The following ASXL2 variants were observed in gnomAD, a reference collection of about 807,000 sequenced individuals.
The protein encoded by ASXL2 is putative Polycomb group protein ASXL2.
Under a neutral mutation model 122.0 loss-of-function variants are expected in ASXL2, and 23 were observed. The ratio of observed to expected loss-of-function variants is 0.19; its 90% CI spans 0.14 to 0.27. ASXL2 has a LOEUF of 0.27. ASXL2 is among the 10% of genes least tolerant of loss of function. ASXL2 has a pLI of 1.00. For missense variants in ASXL2, 1,518 were observed against 1,713.8 expected, an observed-to-expected ratio of 0.89 and a Z score of 2.02; for synonymous variants, 650 against 637.0, an observed-to-expected ratio of 1.02 and a Z score of -0.31.
At chr2:25,780,147 G>A (rs1046230542) in intron 5 of ASXL2, 1 of 151,942 alleles carries the variant, frequency 6.6e-6, no homozygotes, top group Non-Finnish European at 1.5e-5. Flanking sequence ...CAACATGCCT[G>A]GCCCATTTTA....
At chr2:25,831,118 G>A (rs567143050) in intron 3 of ASXL2, among the ~76,000 whole-genome samples, 4 of 152,000 alleles carry the variant, frequency 2.6e-5, no homozygotes, top group East Asian at 1.9e-4. Flanking sequence ...TCAGGAGTTC[G>A]AGACCAGCCT....
At chr2:25,856,635 T>C in intron 1 of ASXL2, 1 of 1,248,030 alleles carries the variant, frequency 8.0e-7, no homozygotes, top group Non-Finnish European at 1.2e-6. Flanking sequence ...AATGAAAATG[T>C]CCTCAGTCTC....
intron 1 of ASXL2, among the ~76,000 whole-genome samples, chr2:25,858,764 T>C (rs941491209): frequency 1.3e-5 from 2 of 148,322 alleles, no homozygotes; most frequent in Non-Finnish European, 3.0e-5. Flanking sequence ...GGGAAATTGA[T>C]AAAGGGAAGA....
In ASXL2 at chr2:25,822,687, G is replaced by T. The variant is rs888082064; in HGVS notation, c.143+12851C>A. ...CATAAAAAAAACGGACAGATCAATT[G>T]TATGTTGTTTACGAAAAGGAGAATC... On this transcript the variant is annotated intron_variant, in intron 3 of 12. Coordinates refer to ENST00000435504, the MANE Select transcript of ASXL2 (RefSeq NM_018263.6). 2.1e-5 allele frequency: 15 copies of T among 707,254 alleles called. 1 individual carries two copies. In the African/African-American group the frequency reaches 2.5e-4, roughly 12 times the overall value. The allele number at this position is 707,254 out of a possible 1,614,324, so 43.8% of individuals were successfully genotyped here.
intron 2 of ASXL2, among the ~76,000 whole-genome samples, chr2:25,842,582 G>A (rs1053326370): frequency 6.6e-6 from 1 of 151,740 alleles, no homozygotes; most frequent in East Asian, 1.9e-4. Flanking sequence ...AGACCTCCTG[G>A]CCTCAAGTGA....
intron 1 of ASXL2, among the ~76,000 whole-genome samples, chr2:25,855,848 A>AG (rs1478012989): frequency 2.3e-4 from 34 of 150,766 alleles, no homozygotes; most frequent in Non-Finnish European, 4.4e-4. Flanking sequence ...AAAAAAAAAA[A>AG]AGAGAGAGAG....
chr2:25,745,595 T>C (rs977863758), intron 12 of ASXL2, among the ~76,000 whole-genome samples: 13 of 149,610 alleles, frequency 8.7e-5, no homozygotes, highest in African/African-American at 2.9e-4. Flanking sequence ...AAAAAGCTAC[T>C]TGTGAGATTC....
intron 4 of ASXL2, among the ~76,000 whole-genome samples, chr2:25,805,418 T>C (rs1243547348): frequency 6.6e-6 from 1 of 152,132 alleles, no homozygotes; most frequent in Non-Finnish European, 1.5e-5. Context: ...AGGTATATAA[T>C]AGTCTATAGA....
At chr2:25,847,694 A>C (rs1361308832) in intron 1 of ASXL2, among the ~76,000 whole-genome samples, 1 of 152,216 alleles carries the variant, frequency 6.6e-6, no homozygotes, top group East Asian at 1.9e-4. Context: ...GACCTGGATA[A>C]ATAGTTCACA....
chr2:25,812,397 T>C (rs148949420), intron 3 of ASXL2, among the ~76,000 whole-genome samples: 5 of 151,972 alleles, frequency 3.3e-5, no homozygotes, highest in Admixed American at 1.3e-4. Context: ...GAGGTGGAAG[T>C]TGCAGTGAGC....
At chr2:25,878,143 C>T (rs768336705) in intron 1 of ASXL2, 23 bp downstream of exon 1, 2 of 1,613,634 alleles carry the variant, frequency 1.2e-6, no homozygotes, top group East Asian at 2.2e-5. Flanking sequence ...TCCCGGCCTT[C>T]CCCTTCGCTC....
rs1383937382 is a variant in ASXL2, at chr2:25,734,846, T to C, written c.*7183A>G. On this transcript the variant is annotated 3_prime_UTR_variant, in exon 13 of 13. Coordinates refer to ENST00000435504, the MANE Select transcript of ASXL2 (RefSeq NM_018263.6). ...AACTCCAGGTTACATTCATGGCAAT[T>C]CAACATTACATTAAGTGAATCTAAA... 1 of 152,196 alleles carries C rather than the reference T, an allele frequency of 6.6e-6. No individual in the cohort carries two copies. The highest frequency in any genetic ancestry group is 1.5e-5 in the Non-Finnish European group (1 of 68,026). The allele number at this position is 152,196 out of a possible 1,614,324, so 9.4% of individuals were successfully genotyped here.
chr2:25,853,131 T>C (rs2089736581), intron 1 of ASXL2, among the ~76,000 whole-genome samples: 1 of 152,202 alleles, frequency 6.6e-6, no homozygotes, highest in Non-Finnish European at 1.5e-5. Flanking sequence ...CATACGGTTT[T>C]TGACAAATCC....
intron 3 of ASXL2, among the ~76,000 whole-genome samples, chr2:25,806,625 T>C (rs77538110): frequency 0.042 from 6,465 of 152,282 alleles, 210 homozygotes; most frequent in Non-Finnish European, 0.067. Context: ...TTGTAAACAT[T>C]CTATTTAGCA....
At chr2:25,796,221 T>C (rs959222190) in intron 5 of ASXL2, among the ~76,000 whole-genome samples, 2 of 152,230 alleles carry the variant, frequency 1.3e-5, no homozygotes, top group African/African-American at 4.8e-5. Context: ...GTAACCATTC[T>C]GAAGGGACTT....
rs1559503074 is a variant in ASXL2, at chr2:25,759,637, T to G, written c.784A>C (p.Lys262Gln). The stretch of plus-strand genomic sequence containing the variant: ...TCAATGTCAGCACATTTAGTTCTTT[T>G]CATTTGTCCTACAAAAACAGAGAAG... ...RSERLHTRQMKRTKCADIDVE... is the reference protein window; with the variant it reads ...RSERLHTRQMQRTKCADIDVE... Residue 262 changes from lysine to glutamine, a missense_variant, in exon 9 of 13, where the codon AAA (lysine) becomes CAA (glutamine). Lys to Gln is a moderately conservative substitution (Grantham distance 53). Transcript: ENST00000435504. The G allele has an allele frequency of 6.2e-7, 1 of 1,609,700 alleles. No homozygotes were observed. The highest frequency in any genetic ancestry group is 1.7e-5 in the Admixed American group (1 of 59,966).
chr2:25,768,970 A>C (rs1385759023), intron 6 of ASXL2, 102 bp from the exon 7 acceptor site: 1 of 1,328,068 alleles, frequency 7.5e-7, no homozygotes, highest in South Asian at 1.6e-5. Flanking sequence ...CTGATCGTTC[A>C]ATTTCTTTGA....
chr2:25,845,578 TATA>T lies in ASXL2; in HGVS notation c.58-18_58-16del. 9.2e-7 allele frequency: 1 copy of T among 1,086,466 alleles called. No individual in the cohort carries two copies. The highest frequency in any genetic ancestry group is 1.2e-6 in the Non-Finnish European group (1 of 813,278). The allele number at this position is 1,086,466 out of a possible 1,614,324, so 67.3% of individuals were successfully genotyped here. ...TTTTCTAAGACCTGAAAAACAAGTA[TATA>T]ATAATAAATTATTTCTTATTTCAAG... On this transcript the variant is annotated splice_polypyrimidine_tract_variant and intron_variant, in intron 1 of 12. Transcript: ENST00000435504.
At position 25,749,881 on chromosome 2, in the gene ASXL2, C is replaced by T. The variant is rs1289234250; in HGVS notation, c.1675G>A (p.Val559Ile). 6.8e-6 allele frequency: 11 copies of T among 1,611,160 alleles called. No individual in the cohort carries two copies. The highest frequency in any genetic ancestry group is 6.8e-6 in the Non-Finnish European group (8 of 1,179,048). ...TNMKEPLATL[V>I]DQSPESLKRK... ...TTGAGGCTTTCTGGGCTCTGATCAACAAGAGTTGCTAGAGGTTCTTTCATA... is the reference window on the plus strand; with the variant it reads ...TTGAGGCTTTCTGGGCTCTGATCAATAAGAGTTGCTAGAGGTTCTTTCATA... Residue 559 changes from valine to isoleucine, a missense_variant, in exon 12 of 13, where the codon GTT becomes ATT. Val to Ile is a conservative substitution (Grantham distance 29). Transcript: ENST00000435504.
Sources: allele counts gnomAD v4.1 joint callset (sites outside exome capture counted in the v4.1 genomes callset), GRCh38; gene constraint gnomAD v4.1.1; transcripts MANE v1.5; gene names NCBI Gene and HGNC (gene_info 2026-07-23, HGNC 2026-07-21).